Variants in MAP2K4 observed in about 807,000 individuals in gnomAD.
MAP2K4 encodes dual specificity mitogen-activated protein kinase kinase 4.
In MAP2K4, 4 loss-of-function variants were observed where a neutral mutation model predicts 48.5. The ratio of observed to expected loss-of-function variants is 0.08; its 90% CI spans 0.04 to 0.19. The LOEUF (loss-of-function observed/expected upper bound fraction) is 0.19. Among genes scored for constraint, MAP2K4 ranks in the 10% least tolerant of loss-of-function variants. The pLI, the probability that MAP2K4 is intolerant of heterozygous loss-of-function variation, is 1.00. For synonymous variants in MAP2K4, 166 were observed against 173.1 expected, an observed-to-expected ratio of 0.96 and a Z score of 0.32; for missense variants, 258 against 493.3, an observed-to-expected ratio of 0.52 and a Z score of 4.52.
At chr17:12,029,459 A>G (rs1217948052) in intron 1 of MAP2K4, among the ~76,000 whole-genome samples, 1 of 152,198 alleles carries the variant, frequency 6.6e-6, no homozygotes, top group Non-Finnish European at 1.5e-5. Context: ...TAAATGGAGG[A>G]TCATGTCAAA....
intron 8 of MAP2K4, among the ~76,000 whole-genome samples, chr17:12,127,140 G>A (rs956172161): frequency 1.3e-5 from 2 of 152,088 alleles, no homozygotes; most frequent in African/African-American, 4.8e-5. Context: ...AGAATTCTTC[G>A]TATAGAGAGT....
intron 2 of MAP2K4, among the ~76,000 whole-genome samples, chr17:12,063,484 T>A (rs1056356949): frequency 6.6e-6 from 1 of 152,088 alleles, no homozygotes; most frequent in Non-Finnish European, 1.5e-5. Context: ...TATGCAAAAA[T>A]TACCTCAAGA....
intron 7 of MAP2K4, among the ~76,000 whole-genome samples, chr17:12,116,164 T>A (rs1972486221): frequency 1.3e-5 from 2 of 152,244 alleles, no homozygotes; most frequent in Non-Finnish European, 2.9e-5. Context: ...AAACTTGCTA[T>A]ACTGTCTGAA....
At position 12,123,200 on chromosome 17, in the gene MAP2K4, C is replaced by T. The variant is rs932057661; in HGVS notation, c.814-2094C>T. 4.6e-5 allele frequency among the ~76,000 whole-genome samples: 7 copies of T among 152,236 alleles called. No homozygotes were observed. The East Asian group carries it at 5.8e-4, about 13-fold the overall frequency. ...TGTGTAAGGCCAGTGTTATTTCTCA[C>T]GTATTTGAAAAGAGTTCACCAGTGA... On this transcript the variant is annotated intron_variant, in intron 7 of 10. Transcript: ENST00000353533.
rs546324207 is a variant in MAP2K4 at position 12,041,157 on chromosome 17, C to G, written c.116-13732C>G. 1.3e-3 allele frequency among the ~76,000 whole-genome samples: 194 copies of G among 152,324 alleles called. 1 individual carries two copies. Among genetic ancestry groups the G allele is most frequent in the African/African-American group, 4.5e-3 (188 of 41,574 alleles). ...TCAATTTGTAGAATACATTTATGGG[C>G]AGCAAATAGTTTTTTATTGTGTCCA... is the stretch of plus-strand genomic sequence containing the variant. On this transcript the variant is annotated intron_variant, in intron 1 of 10. Transcript: ENST00000353533.
intron 1 of MAP2K4, among the ~76,000 whole-genome samples, chr17:12,026,706 A>G (rs1333425021): frequency 6.6e-6 from 1 of 152,212 alleles, no homozygotes; most frequent in East Asian, 1.9e-4. Context: ...TGAAGGAAGC[A>G]TCTTTGCCAG....
intron 7 of MAP2K4, chr17:12,115,726 A>G: frequency 1.3e-6 from 1 of 765,142 alleles, no homozygotes; most frequent in Non-Finnish European, 2.4e-6. Flanking sequence ...TGGGAAAACC[A>G]CTTAAATACA....
intron 2 of MAP2K4, among the ~76,000 whole-genome samples, chr17:12,067,868 GAC>G (rs1283989908): frequency 1.3e-5 from 2 of 152,150 alleles, no homozygotes; most frequent in Non-Finnish European, 2.9e-5. Context: ...TTTAGAGGCA[GAC>G]ACAGACGTGT....
chr17:12,097,635 A>G (rs1404705558), intron 4 of MAP2K4, among the ~76,000 whole-genome samples: 2 of 152,208 alleles, frequency 1.3e-5, no homozygotes, highest in African/African-American at 4.8e-5. Flanking sequence ...CGTCTGTTGA[A>G]TGCTTTGTTG....
intron 2 of MAP2K4, among the ~76,000 whole-genome samples, chr17:12,067,431 C>T (rs1176743476): frequency 3.3e-5 from 5 of 152,028 alleles, no homozygotes; most frequent in South Asian, 4.1e-4. Context: ...TCGTCCTGTG[C>T]GTGGTAGAAT....
At chr17:12,089,730 T>C (rs920083467) in intron 3 of MAP2K4, among the ~76,000 whole-genome samples, 1 of 152,200 alleles carries the variant, frequency 6.6e-6, no homozygotes, top group Non-Finnish European at 1.5e-5. Context: ...CTGACAAGAA[T>C]TTGTCATGTG....
At chr17:12,133,763 A>T (rs574435319) in intron 9 of MAP2K4, among the ~76,000 whole-genome samples, 46 of 152,322 alleles carry the variant, frequency 3.0e-4, no homozygotes, top group Non-Finnish European at 4.9e-4. Flanking sequence ...GGGGAATATA[A>T]AAAGTCACTA....
At chr17:12,041,968 G>A (rs761482811) in intron 1 of MAP2K4, among the ~76,000 whole-genome samples, 2 of 151,882 alleles carry the variant, frequency 1.3e-5, no homozygotes, top group Non-Finnish European at 2.9e-5. Context: ...CTCACCTGAG[G>A]TCAGGAGTTT....
chr17:12,050,202 T>C (rs1452040763), intron 1 of MAP2K4, among the ~76,000 whole-genome samples: 1 of 152,108 alleles, frequency 6.6e-6, no homozygotes, highest in Non-Finnish European at 1.5e-5. Flanking sequence ...AACAAGCCCA[T>C]TAGATGGCGG....
intron 2 of MAP2K4, among the ~76,000 whole-genome samples, chr17:12,059,916 G>C (rs553774111): frequency 2.6e-5 from 4 of 152,146 alleles, no homozygotes; most frequent in African/African-American, 9.7e-5. Flanking sequence ...AGTTGCTCAC[G>C]CCTGCAATCC....
chr17:12,139,738 G>C lies in MAP2K4; in HGVS notation c.1041-101G>C, dbSNP rs148259534. The C allele has an allele frequency of 5.1e-3, 4,118 of 808,526 alleles. 21 individuals carry two copies. The highest frequency in any genetic ancestry group is 0.028 in the East Asian group (1,066 of 37,456). The allele number at this position is 808,526 out of a possible 1,614,324, so 50.1% of individuals were successfully genotyped here. A position where few individuals can be genotyped will look rare whatever the true frequency, so the allele number is the denominator to read the frequency against. ...CTGCGTTGTTACTTTGGATCTGAAG[G>C]AAAGAACTATTTCATTATTTGTAAT... On this transcript the variant is annotated intron_variant, in intron 9 of 10. Transcript: ENST00000353533.
intron 7 of MAP2K4, among the ~76,000 whole-genome samples, chr17:12,122,264 A>G (rs1331525456): frequency 1.3e-5 from 2 of 152,210 alleles, no homozygotes; most frequent in African/African-American, 2.4e-5. Flanking sequence ...CTCTTGCAAC[A>G]TACGGATTCA....
chr17:12,125,309 C>G lies in MAP2K4; in HGVS notation c.829C>G (p.Pro277Ala), dbSNP rs1455763623. ...TATGTTCCAGCCTGAAAGAATAGAC[C>G]CAAGCGCATCACGACAAGGATATGA... ...RPYMAPERIDPSASRQGYDVR... is the reference protein window; with the variant it reads ...RPYMAPERIDASASRQGYDVR... Residue 277 changes from proline to alanine, a missense_variant, in exon 8 of 11, where the codon CCA (proline) becomes GCA (alanine). This residue lies in a region of MAP2K4 where 132 missense variants were observed against 352.8 expected (regional missense o/e 0.37). Coordinates refer to ENST00000353533, the MANE Select transcript of MAP2K4 (RefSeq NM_003010.4). 6.2e-7 allele frequency: 1 copy of G among 1,613,516 alleles called. No individual in the cohort carries two copies. The highest frequency in any genetic ancestry group is 8.5e-7 in the Non-Finnish European group (1 of 1,179,782).
At chr17:12,099,537 T>C (rs1191367364) in intron 4 of MAP2K4, among the ~76,000 whole-genome samples, 1 of 152,202 alleles carries the variant, frequency 6.6e-6, no homozygotes, top group Non-Finnish European at 1.5e-5. Context: ...CTGAAGTTGG[T>C]AACTTCTATG....
Sources: allele counts gnomAD v4.1 joint callset (sites outside exome capture counted in the v4.1 genomes callset), GRCh38; gene constraint gnomAD v4.1.1; regional missense constraint gnomAD v4.1.1; transcripts MANE v1.5; gene names NCBI Gene and HGNC (gene_info 2026-07-23, HGNC 2026-07-21).